SEL1L3: variants seen among roughly 807,000 people sequenced by gnomAD.
SEL1L3 encodes SEL1L family member 3, also known as protein sel-1 homolog 3.
Under a neutral mutation model 142.8 loss-of-function variants are expected in SEL1L3, and 76 were observed. The observed-to-expected ratio is 0.53, with a 90% CI of 0.44 to 0.64. The LOEUF is 0.64. Ranked by LOEUF, SEL1L3 falls within the 30% of genes least tolerant of loss-of-function variation. The probability of loss-of-function intolerance (pLI) is 0.00; values close to 1 mark genes in which losing one functional copy is unlikely to be tolerated. For missense variants in SEL1L3, 1,262 were observed against 1,381.7 expected, an observed-to-expected ratio of 0.91 and a Z score of 1.37; for synonymous variants, 504 against 519.6, an observed-to-expected ratio of 0.97 and a Z score of 0.41.
chr4:25,757,825 G>C, intron 21 of SEL1L3, 35 bp from the exon 22 acceptor site: 1 of 1,500,258 alleles, frequency 6.7e-7, no homozygotes. Flanking sequence ...TGACGTGTCA[G>C]CCAACTTTGG....
At chr4:25,855,622 G>A (rs1717205060) in intron 1 of SEL1L3, among the ~76,000 whole-genome samples, 1 of 152,180 alleles carries the variant, frequency 6.6e-6, no homozygotes, top group African/African-American at 2.4e-5. Context: ...TTAGCCAGGT[G>A]TGGTGGCGGG....
intron 2 of SEL1L3, among the ~76,000 whole-genome samples, chr4:25,846,249 G>A (rs1716502323): frequency 6.6e-6 from 1 of 152,182 alleles, no homozygotes; most frequent in African/African-American, 2.4e-5. Context: ...ACGGCTTAAG[G>A]GAGGCTGCAG....
chr4:25,853,177 G>A (rs1717015992), intron 1 of SEL1L3, among the ~76,000 whole-genome samples: 9 of 152,126 alleles, frequency 5.9e-5, no homozygotes, highest in Admixed American at 5.9e-4. Flanking sequence ...AAAATTCAAG[G>A]TTACAGTGAG....
chr4:25,765,017 C>T (rs2109134264), intron 20 of SEL1L3, among the ~76,000 whole-genome samples: 1 of 152,180 alleles, frequency 6.6e-6, no homozygotes, highest in Admixed American at 6.5e-5. Context: ...TTTTCTGAGA[C>T]AGGGTCTTGC....
intron 16 of SEL1L3, among the ~76,000 whole-genome samples, chr4:25,778,331 T>C (rs1024021220): frequency 6.6e-6 from 1 of 152,168 alleles, no homozygotes; most frequent in African/African-American, 2.4e-5. Context: ...AAGGTTAAAT[T>C]AATATAATAT....
intron 23 of SEL1L3, chr4:25,756,376 G>T (rs770784886): frequency 2.6e-5 from 26 of 985,206 alleles, no homozygotes; most frequent in Non-Finnish European, 3.0e-5. Flanking sequence ...TCTAATAGAG[G>T]AGTAAATGTA....
intron 8 of SEL1L3, among the ~76,000 whole-genome samples, chr4:25,818,633 G>C (rs931981604): frequency 6.6e-6 from 1 of 152,150 alleles, no homozygotes; most frequent in African/African-American, 2.4e-5. Context: ...AAGATGATAG[G>C]AAAATCTTCC....
At chr4:25,726,350 A>G in the SEL1L3 span, among the ~76,000 whole-genome samples, 5 of 151,996 alleles carry the variant, frequency 3.3e-5, no homozygotes, top group African/African-American at 1.2e-4. Flanking sequence ...CAACATGGTG[A>G]AACCCCGTCT....
chr4:25,802,571 C>T (rs1012089643), intron 10 of SEL1L3, 109 bp from the exon 11 acceptor site: 1 of 919,118 alleles, frequency 1.1e-6, no homozygotes, highest in Non-Finnish European at 1.6e-6. Flanking sequence ...CTAGCCATTC[C>T]AGAAATATGT....
Position 25,782,270 on chromosome 4 carries a change from A to T in SEL1L3, c.2429T>A (p.Ile810Asn). 2 of 1,613,888 alleles carry T rather than the reference A, an allele frequency of 1.2e-6. No individual in the cohort carries two copies. Among genetic ancestry groups the T allele is most frequent in the Non-Finnish European group, 1.7e-6 (2 of 1,179,794 alleles). The change falls in exon 15 of 24, where the codon ATC becomes AAC. Residue 810 changes from isoleucine (I) to asparagine (N), a missense_variant. Physicochemically the swap from Ile to Asn is moderately radical, Grantham distance 149 (BLOSUM62 -3). Around this residue, in one of 3 missense-constraint regions of SEL1L3, gnomAD observed 435 missense variants for 559.2 expected, o/e 0.78. Coordinates refer to ENST00000399878, the MANE Select transcript of SEL1L3 (RefSeq NM_015187.5). ...ATTCCTTCCAGGAACTCCAGGGAAG[A>T]TGCCATCCAAATGCAGGACTCCAAG... ...YNLGVLHLDGIFPGVPGRNQT... is the reference protein window; with the variant it reads ...YNLGVLHLDGNFPGVPGRNQT...
intron 4 of SEL1L3, among the ~76,000 whole-genome samples, 166 bp downstream of exon 4, chr4:25,833,282 A>G (rs916579923): frequency 1.3e-5 from 2 of 152,238 alleles, no homozygotes; most frequent in Admixed American, 6.5e-5. Context: ...CATTGGGTTT[A>G]AGCTTCTGGG....
At chr4:25,848,966 CTG>C (rs1012079358) in intron 1 of SEL1L3, among the ~76,000 whole-genome samples, 5 of 152,182 alleles carry the variant, frequency 3.3e-5, no homozygotes, top group Admixed American at 3.3e-4. Context: ...TGGTGAAACC[CTG>C]TCTTTACTAA....
the SEL1L3 span, among the ~76,000 whole-genome samples, chr4:25,724,574 C>T: frequency 6.6e-6 from 1 of 151,348 alleles, no homozygotes; most frequent in Non-Finnish European, 1.5e-5. Context: ...ACCGTCTCTA[C>T]TAAAAATACA....
intron 23 of SEL1L3, chr4:25,756,789 A>G: frequency 8.4e-7 from 1 of 1,188,850 alleles, no homozygotes; most frequent in Non-Finnish European, 1.1e-6. Context: ...GAGGATTTTT[A>G]TTCATTACGA....
At position 25,862,699 on chromosome 4, in the gene SEL1L3, G is replaced by A; in HGVS notation, c.138C>T (p.Cys46=). The A allele has an allele frequency of 3.8e-6, 5 of 1,302,712 alleles. No individual in the cohort carries two copies. The highest frequency in any genetic ancestry group is 4.3e-5 in the South Asian group (2 of 46,014). 80.7% of individuals were successfully genotyped at this position (1,302,712 alleles called of 1,614,324 possible). A position where few individuals can be genotyped will look rare whatever the true frequency, so the allele number is the denominator to read the frequency against. The change falls in exon 1 of 24, where the codon TGC becomes TGT. Residue 46 remains cysteine (C), a synonymous_variant. Coordinates refer to ENST00000399878, the MANE Select transcript of SEL1L3 (RefSeq NM_015187.5). ...CCAGGTAGCAGAGCAGGAGCAGCGC[G>A]CAGGCAGAGCGGCCGCCGAGGCCCT... ...VPQGLGGRSA[C]ALLLLCYLNV...
chr4:25,805,375 A>T (rs1011865746), intron 9 of SEL1L3, among the ~76,000 whole-genome samples: 3 of 152,194 alleles, frequency 2.0e-5, no homozygotes, highest in African/African-American at 7.2e-5. Flanking sequence ...TTACACGAAG[A>T]GACTGAGGCC....
chr4:25,748,922 A>AAC (rs2109105923), intron 23 of SEL1L3, among the ~76,000 whole-genome samples: 1 of 152,246 alleles, frequency 6.6e-6, no homozygotes, highest in East Asian at 1.9e-4. Flanking sequence ...CGTGGATTCC[A>AAC]ACACTCTTCT....
intron 1 of SEL1L3, among the ~76,000 whole-genome samples, chr4:25,852,264 A>T (rs546541934): frequency 6.6e-6 from 1 of 152,288 alleles, no homozygotes; most frequent in African/African-American, 2.4e-5. Context: ...GAGCAAAGGC[A>T]AGCCCAGAAA....
chr4:25,847,966 C>T, intron 1 of SEL1L3, 102 bp from the exon 2 acceptor site: 1 of 753,548 alleles, frequency 1.3e-6, no homozygotes, highest in Admixed American at 3.3e-5. Flanking sequence ...AAATATCAAT[C>T]TACATAAAGC....
Sources: gnomAD v4.1 joint callset for allele counts (sites outside exome capture counted in the v4.1 genomes callset) on GRCh38, gnomAD v4.1.1 for gene constraint, gnomAD v4.1.1 regional missense constraint, MANE v1.5 for transcripts, NCBI Gene and HGNC (gene_info 2026-07-23, HGNC 2026-07-21) for gene names.